Variants in MYT1L observed in about 807,000 individuals in gnomAD.
MYT1L encodes myelin transcription factor 1 like.
Under a neutral mutation model 126.7 loss-of-function variants are expected in MYT1L, and 12 were observed. The observed-to-expected ratio is 0.09, with a 90% CI of 0.06 to 0.15. The LOEUF (loss-of-function observed/expected upper bound fraction) is 0.15, where lower values mean the gene tolerates loss of function less well. Among genes scored for constraint, MYT1L ranks in the 10% least tolerant of loss-of-function variants. MYT1L has a pLI of 1.00. For missense variants in MYT1L, 979 were observed against 1,585.2 expected, an observed-to-expected ratio of 0.62 and a Z score of 6.49; for synonymous variants, 541 against 604.2, an observed-to-expected ratio of 0.90 and a Z score of 1.53.
In MYT1L at chr2:1,863,492, A is replaced by G. The variant is rs547121001; in HGVS notation, c.2712-11789T>C. On this transcript the variant is annotated intron_variant, in intron 18 of 24. Coordinates refer to ENST00000647738, the MANE Select transcript of MYT1L (RefSeq NM_001303052.2). Reference sequence around the variant, plus strand: ...TTGAGATTCCGACATTCATCCCCACAGACTTCCTTTCACATGACGCCACAG... The same window carrying G: ...TTGAGATTCCGACATTCATCCCCACGGACTTCCTTTCACATGACGCCACAG... 4.0e-5 allele frequency among the ~76,000 whole-genome samples: 6 copies of G among 151,804 alleles called. No homozygotes were observed. In the East Asian group the frequency reaches 7.7e-4, roughly 20 times the overall value.
intron 3 of MYT1L, among the ~76,000 whole-genome samples, chr2:2,055,876 C>T (rs759788568): frequency 1.3e-5 from 2 of 152,172 alleles, no homozygotes; most frequent in Non-Finnish European, 2.9e-5. Flanking sequence ...ATAGATTCAT[C>T]GTGTTGTCCA....
At chr2:1,896,552 G>A (rs2049599571) in intron 14 of MYT1L, among the ~76,000 whole-genome samples, 1 of 152,212 alleles carries the variant, frequency 6.6e-6, no homozygotes, top group Non-Finnish European at 1.5e-5. Context: ...AACATGGATG[G>A]TGCTGGAGGC....
intron 23 of MYT1L, among the ~76,000 whole-genome samples, chr2:1,796,668 G>A (rs942074380): frequency 7.3e-5 from 11 of 151,138 alleles, no homozygotes; most frequent in Non-Finnish European, 1.2e-4. Flanking sequence ...TTTGGGCCAC[G>A]GGGGGCAGCA....
At chr2:2,255,769 G>C (rs1029193246) in intron 2 of MYT1L, among the ~76,000 whole-genome samples, 1 of 152,070 alleles carries the variant, frequency 6.6e-6, no homozygotes, top group East Asian at 1.9e-4. Flanking sequence ...TGGCTGTTGT[G>C]AAACAAAGCA....
intron 1 of MYT1L, among the ~76,000 whole-genome samples, chr2:2,291,768 C>A (rs2095603838): frequency 6.6e-6 from 1 of 152,226 alleles, no homozygotes; most frequent in Non-Finnish European, 1.5e-5. Flanking sequence ...CCCACGCACC[C>A]TGTGCCCCCA....
intron 3 of MYT1L, among the ~76,000 whole-genome samples, chr2:2,172,197 C>T (rs186013388): frequency 1.1e-4 from 16 of 152,234 alleles, no homozygotes; most frequent in Admixed American, 4.6e-4. Context: ...ACTAGGTATG[C>T]GCCAATCTCT....
At chr2:1,855,261 C>T (rs539936985) in intron 18 of MYT1L, among the ~76,000 whole-genome samples, 1 of 152,226 alleles carries the variant, frequency 6.6e-6, no homozygotes, top group African/African-American at 2.4e-5. Flanking sequence ...CTCCAGGATC[C>T]TCGACCACGG....
In MYT1L at chr2:2,183,979, AAG is replaced by A. The variant is rs35281167; in HGVS notation, c.-420-10993_-420-10992del. On this transcript the variant is annotated intron_variant, in intron 2 of 24. Transcript: ENST00000647738. The stretch of plus-strand genomic sequence containing the variant: ...AGGGAGGGAGGGAAGAAGAGAAAGA[AAG>A]AGAGAGAGAAAGGGGGAGGGAGAAA... Among the ~76,000 whole-genome samples the A allele has an allele frequency of 1.0e-4, 15 of 146,054 alleles. No individual in the cohort carries two copies. The East Asian group carries it at 1.5e-3, about 14-fold the overall frequency.
chr2:1,857,551 C>G (rs1312209457), intron 18 of MYT1L, among the ~76,000 whole-genome samples: 1 of 152,040 alleles, frequency 6.6e-6, no homozygotes, highest in Non-Finnish European at 1.5e-5. Flanking sequence ...TTTTTCATTC[C>G]TTTGTTTCAT....
chr2:2,221,731 A>T (rs1431770879), intron 2 of MYT1L, among the ~76,000 whole-genome samples: 2 of 152,358 alleles, frequency 1.3e-5, no homozygotes, highest in East Asian at 3.9e-4. Context: ...TCTAAACTTC[A>T]GTAAGGTCTT....
intron 2 of MYT1L, among the ~76,000 whole-genome samples, chr2:2,179,806 T>A (rs2091219677): frequency 6.6e-6 from 1 of 152,208 alleles, no homozygotes. Flanking sequence ...CTTTGTCCTC[T>A]CCATGTTCCT....
At chr2:1,885,415 T>A (rs2048050440) in intron 18 of MYT1L, 1 of 152,540 alleles carries the variant, frequency 6.6e-6, no homozygotes, top group South Asian at 2.1e-4. Context: ...GTTCCAAGGG[T>A]CTTGTGGCGA....
At chr2:2,197,815 GCACACACACA>G (rs763708740) in intron 2 of MYT1L, among the ~76,000 whole-genome samples, 1 of 130,928 alleles carries the variant, frequency 7.6e-6, no homozygotes, top group African/African-American at 2.9e-5. Flanking sequence ...ATACACACAT[GCACACACACA>G]CGCACACAAC....
At chr2:1,989,688 A>G (rs1270321496) in intron 5 of MYT1L, among the ~76,000 whole-genome samples, 1 of 152,008 alleles carries the variant, frequency 6.6e-6, no homozygotes, top group Non-Finnish European at 1.5e-5. Flanking sequence ...TAGGTAAGTA[A>G]TGAACATTCA....
intron 14 of MYT1L, among the ~76,000 whole-genome samples, chr2:1,898,612 G>GGAAGACAGGCCGTCTTGGCAGGT (rs2049931461): frequency 6.6e-6 from 1 of 152,226 alleles, no homozygotes; most frequent in African/African-American, 2.4e-5. Flanking sequence ...GCGGCCCGTG[G>GGAAGACAGGCCGTCTTGGCAGGT]GAAGACAGGC....
At chr2:1,954,387 C>T (rs2058150808) in intron 8 of MYT1L, among the ~76,000 whole-genome samples, 1 of 152,190 alleles carries the variant, frequency 6.6e-6, no homozygotes, top group African/African-American at 2.4e-5. Flanking sequence ...TTGCCGAAAA[C>T]AAACACCACA....
At chr2:1,856,017 A>G (rs1298966235) in intron 18 of MYT1L, among the ~76,000 whole-genome samples, 1 of 152,236 alleles carries the variant, frequency 6.6e-6, no homozygotes, top group Admixed American at 6.5e-5. Context: ...TCATAATAAA[A>G]TATTTTAAGC....
intron 4 of MYT1L, among the ~76,000 whole-genome samples, chr2:2,023,715 G>T (rs1342846120): frequency 1.3e-5 from 2 of 152,064 alleles, no homozygotes; most frequent in African/African-American, 4.8e-5. Context: ...CTTCGACGAA[G>T]TGAATTCTTC....
chr2:2,297,797 C>T (rs920283233), intron 1 of MYT1L, among the ~76,000 whole-genome samples: 2 of 152,070 alleles, frequency 1.3e-5, no homozygotes, highest in East Asian at 1.9e-4. Flanking sequence ...CTTTGGGAGC[C>T]GTCTGAGGAA....
Sources: allele counts gnomAD v4.1 joint callset (sites outside exome capture counted in the v4.1 genomes callset), GRCh38; gene constraint gnomAD v4.1.1; transcripts MANE v1.5; gene names NCBI Gene and HGNC (gene_info 2026-07-23, HGNC 2026-07-21).